The following OTUD7B variants were observed in gnomAD, a reference collection of about 807,000 sequenced individuals.
OTUD7B encodes OTU domain-containing protein 7B.
A neutral mutation model predicts 82.2 loss-of-function variants in OTUD7B; 34 were observed. The observed-to-expected ratio is 0.41, with a 90% CI of 0.31 to 0.55. The LOEUF (loss-of-function observed/expected upper bound fraction) is 0.55, where lower values mean the gene tolerates loss of function less well. OTUD7B is among the 20% of genes least tolerant of loss of function. The pLI is 0.20. For missense variants in OTUD7B, 944 were observed against 1,062.1 expected (o/e 0.89, Z 1.55); for synonymous variants, 398 against 402.7 (o/e 0.99, Z 0.14).
At chr1:150,023,764 C>G in the OTUD7B span, among the ~76,000 whole-genome samples, 1 of 152,060 alleles carries the variant, frequency 6.6e-6, no homozygotes, top group Non-Finnish European at 1.5e-5. Flanking sequence ...ATTTCAAAAT[C>G]GCTAAAAGAG....
At chr1:149,973,221 G>A (rs1650049437) in intron 2 of OTUD7B, among the ~76,000 whole-genome samples, 2 of 152,098 alleles carry the variant, frequency 1.3e-5, no homozygotes, top group South Asian at 4.1e-4. Flanking sequence ...TAATACGATA[G>A]TTTACTTTTG....
chr1:149,950,172 C>A lies in OTUD7B; in HGVS notation c.895G>T (p.Val299Phe). The change falls in exon 8 of 12, where the codon GTC becomes TTC. Residue 299 changes from valine to phenylalanine, a missense_variant. Coordinates refer to ENST00000581312, the MANE Select transcript of OTUD7B (RefSeq NM_020205.4). ...PVYESLEEFH[V>F]FVLAHVLRRP... ...CTAAGCACATGAGCAAGGACAAAGACGTGAAACTCTTCAAGGCTCTCATAT... is the reference window on the plus strand; with the variant it reads ...CTAAGCACATGAGCAAGGACAAAGAAGTGAAACTCTTCAAGGCTCTCATAT... 6.2e-7 allele frequency: 1 copy of A among 1,614,102 alleles called. No homozygotes were observed. The highest frequency in any genetic ancestry group is 8.5e-7 in the Non-Finnish European group (1 of 1,179,992).
At chr1:150,006,325 T>C (rs1553786080) in intron 1 of OTUD7B, among the ~76,000 whole-genome samples, 1 of 151,950 alleles carries the variant, frequency 6.6e-6, no homozygotes, top group African/African-American at 2.4e-5. Context: ...GGCGTGGTGG[T>C]GGGCGCCTGT....
At chr1:149,992,472 T>TTTTG (rs1651645666) in intron 1 of OTUD7B, among the ~76,000 whole-genome samples, 5 of 1,586 alleles carry the variant, frequency 3.2e-3, no homozygotes, top group East Asian at 0.1. Context: ...CATGTGTTTT[T>TTTTG]TTTTTTTTTT....
chr1:150,014,847 T>C (rs1462214387), upstream of OTUD7B, among the ~76,000 whole-genome samples: 1 of 152,170 alleles, frequency 6.6e-6, no homozygotes, highest in Non-Finnish European at 1.5e-5. Context: ...GTTCTGTGTC[T>C]TGATAAGGAT....
chr1:150,058,283 A>G, the OTUD7B span, among the ~76,000 whole-genome samples: 9 of 152,142 alleles, frequency 5.9e-5, 1 homozygote, highest in African/African-American at 1.7e-4. Flanking sequence ...AGGCGGGGCC[A>G]ATCACTTGAG....
chr1:150,000,995 T>A (rs886680077), intron 1 of OTUD7B, among the ~76,000 whole-genome samples: 13 of 151,166 alleles, frequency 8.6e-5, no homozygotes, highest in South Asian at 6.3e-4. Context: ...AAATAAATAA[T>A]AAATAAATAA....
chr1:149,964,396 T>C (rs945681604), intron 5 of OTUD7B, 47 bp from the exon 6 acceptor site: 3 of 1,588,814 alleles, frequency 1.9e-6, no homozygotes. Context: ...TTGACTCTGC[T>C]AATTTTTGTA....
intron 9 of OTUD7B, 131 bp from the exon 10 acceptor site, chr1:149,949,214 C>A (rs1647997684): frequency 1.6e-6 from 1 of 630,012 alleles, no homozygotes; most frequent in Non-Finnish European, 2.8e-6. Context: ...ACGTGAATTA[C>A]CCCGGTATTA....
At chr1:149,991,828 C>T (rs1290463249) in intron 1 of OTUD7B, among the ~76,000 whole-genome samples, 2 of 152,158 alleles carry the variant, frequency 1.3e-5, no homozygotes, top group Non-Finnish European at 2.9e-5. Context: ...TCCCCAGCCA[C>T]CCAGCTAAAT....
intron 7 of OTUD7B, among the ~76,000 whole-genome samples, chr1:149,958,753 TTTC>T (rs1345643241): frequency 1.3e-5 from 2 of 151,222 alleles, no homozygotes; most frequent in Non-Finnish European, 2.9e-5. Flanking sequence ...ATGTCTTTTT[TTTC>T]TTTTAGAGAC....
At chr1:150,060,854 A>C in the OTUD7B span, among the ~76,000 whole-genome samples, 7 of 152,200 alleles carry the variant, frequency 4.6e-5, no homozygotes, top group African/African-American at 1.7e-4. Flanking sequence ...ACTTGCTCCC[A>C]TGCTAGAAAT....
At chr1:149,952,053 A>T (rs1175692901) in intron 7 of OTUD7B, among the ~76,000 whole-genome samples, 148,190 of 151,040 alleles carry the variant, frequency 0.98, 72,739 homozygotes, top group East Asian at 1. Context: ...TCCTGCACTA[A>T]TTTTTTTTTA....
At chr1:149,978,906 TG>T (rs2101863806) in intron 1 of OTUD7B, among the ~76,000 whole-genome samples, 1 of 152,228 alleles carries the variant, frequency 6.6e-6, no homozygotes, top group East Asian at 1.9e-4. Context: ...CCCTGCCTTT[TG>T]GGAAAGGTCA....
intron 1 of OTUD7B, among the ~76,000 whole-genome samples, chr1:149,999,260 A>G (rs1321034697): frequency 2.6e-5 from 4 of 152,260 alleles, no homozygotes; most frequent in Non-Finnish European, 5.9e-5. Flanking sequence ...TTAAAATGAC[A>G]GGACACCTTG....
intron 9 of OTUD7B, among the ~76,000 whole-genome samples, chr1:149,949,321 G>A (rs1339000075): frequency 1.3e-5 from 2 of 152,146 alleles, no homozygotes; most frequent in Non-Finnish European, 2.9e-5. Flanking sequence ...CTCTCATGAT[G>A]TTCTTTCCAG....
chr1:150,011,677 C>G (rs1173816183), upstream of OTUD7B, among the ~76,000 whole-genome samples: 1 of 152,186 alleles, frequency 6.6e-6, no homozygotes, highest in Admixed American at 6.5e-5. Flanking sequence ...TTATGACAAA[C>G]ACAAAACGAT....
At chr1:149,966,161 A>G (rs587633167) in intron 4 of OTUD7B, among the ~76,000 whole-genome samples, 2 of 152,370 alleles carry the variant, frequency 1.3e-5, no homozygotes, top group South Asian at 4.1e-4. Context: ...TGCTACTGGT[A>G]TCTAATGGGT....
chr1:149,966,827 T>C (rs2101820782), intron 4 of OTUD7B, among the ~76,000 whole-genome samples: 1 of 152,342 alleles, frequency 6.6e-6, no homozygotes, highest in South Asian at 2.1e-4. Context: ...CACACAAGCA[T>C]TTTAATGCCT....
Sources: gnomAD v4.1 joint callset for allele counts (sites outside exome capture counted in the v4.1 genomes callset) on GRCh38, gnomAD v4.1.1 for gene constraint, MANE v1.5 for transcripts, NCBI Gene and HGNC (gene_info 2026-07-23, HGNC 2026-07-21) for gene names.